Variants in FAM83B observed in about 807,000 individuals in gnomAD.
FAM83B encodes protein FAM83B.
A neutral mutation model predicts 38.8 loss-of-function variants in FAM83B; 26 were observed. The observed-to-expected ratio is 0.67, with a 90% CI of 0.49 to 0.93. The LOEUF is 0.93. Among genes scored for constraint, FAM83B ranks in the 40% least tolerant of loss-of-function variants. The pLI, the probability that FAM83B is intolerant of heterozygous loss-of-function variation, is 0.00. For missense variants in FAM83B, 1,237 were observed against 1,197.3 expected, an observed-to-expected ratio of 1.03 and a Z score of -0.49; for synonymous variants, 419 against 423.1, an observed-to-expected ratio of 0.99 and a Z score of 0.12.
intron 1 of FAM83B, among the ~76,000 whole-genome samples, chr6:54,855,262 C>G (rs1347894054): frequency 6.6e-6 from 1 of 152,168 alleles, no homozygotes; most frequent in Non-Finnish European, 1.5e-5. Flanking sequence ...TTTTGAGTGT[C>G]AATCTCTCAT....
At chr6:54,912,467 CATT>C (rs1202356720) in intron 2 of FAM83B, among the ~76,000 whole-genome samples, 3 of 149,734 alleles carry the variant, frequency 2.0e-5, no homozygotes, top group Admixed American at 6.6e-5. Context: ...AGATTTTAAT[CATT>C]ACTTGAAAAG....
At chr6:54,871,592 A>AATC (rs1173486072) in intron 2 of FAM83B, among the ~76,000 whole-genome samples, 2 of 146,574 alleles carry the variant, frequency 1.4e-5, no homozygotes, top group African/African-American at 5.0e-5. Context: ...TAATAATAAT[A>AATC]ATAAGCCGGA....
At chr6:54,883,744 AGTTG>A in intron 2 of FAM83B, among the ~76,000 whole-genome samples, 1 of 151,358 alleles carries the variant, frequency 6.6e-6, no homozygotes, top group Admixed American at 6.6e-5. Context: ...TCTATAGCTT[AGTTG>A]TTCACTCTGA....
chr6:54,928,875 T>C (rs927466454), intron 4 of FAM83B, among the ~76,000 whole-genome samples: 1 of 152,158 alleles, frequency 6.6e-6, no homozygotes, highest in African/African-American at 2.4e-5. Context: ...ATATTAATAG[T>C]TGCTAGTGTT....
intron 2 of FAM83B, among the ~76,000 whole-genome samples, chr6:54,895,897 T>C (rs560004289): frequency 6.6e-6 from 1 of 152,200 alleles, no homozygotes; most frequent in Non-Finnish European, 1.5e-5. Flanking sequence ...TGTTTTGTTT[T>C]GTTTTTTAGA....
Position 54,941,091 on chromosome 6 carries a change from C to G in FAM83B, c.2120C>G (p.Ser707Cys). ...CCCAAAGAAGATTTGCTGAAAAGTT[C>G]TAAAAGCATGCACAATGTGACTCAT... is the stretch of plus-strand genomic sequence containing the variant. The part of the protein sequence containing the change: ...EKPKEDLLKS[S>C]KSMHNVTHNL... The change falls in exon 5 of 5, where the codon TCT (serine) becomes TGT (cysteine). Residue 707 changes from serine (S) to cysteine (C), a missense_variant. Transcript: ENST00000306858. The G allele has an allele frequency of 6.2e-7, 1 of 1,613,414 alleles. No homozygotes were observed. The highest frequency in any genetic ancestry group is 2.2e-5 in the East Asian group (1 of 44,842).
chr6:54,868,291 G>A (rs2127574702), intron 1 of FAM83B, among the ~76,000 whole-genome samples: 1 of 152,178 alleles, frequency 6.6e-6, no homozygotes, highest in African/African-American at 2.4e-5. Context: ...GCAGCATCCT[G>A]GGTCTCTAAT....
intron 2 of FAM83B, among the ~76,000 whole-genome samples, chr6:54,903,797 G>A (rs536476907): frequency 1.1e-4 from 17 of 150,756 alleles, no homozygotes; most frequent in African/African-American, 3.7e-4. Context: ...TAGCATAATA[G>A]GTTTTTTTAA....
intron 2 of FAM83B, among the ~76,000 whole-genome samples, chr6:54,874,988 C>G (rs1299748738): frequency 6.6e-6 from 1 of 151,982 alleles, no homozygotes; most frequent in Non-Finnish European, 1.5e-5. Context: ...GGAAGATGAA[C>G]AGGTGATGGG....
At chr6:54,872,136 T>A (rs796602760) in intron 2 of FAM83B, among the ~76,000 whole-genome samples, 2 of 152,190 alleles carry the variant, frequency 1.3e-5, no homozygotes, top group African/African-American at 4.8e-5. Flanking sequence ...CTGTATTAAT[T>A]CCTTTAACAG....
At chr6:54,939,635 C>A (rs1773608355) in intron 4 of FAM83B, 71 bp from the exon 5 acceptor site, 6 of 1,378,440 alleles carry the variant, frequency 4.4e-6, no homozygotes, top group African/African-American at 1.5e-5. Flanking sequence ...TTAAGTGATA[C>A]TTTTTTTAGT....
chr6:54,871,054 T>C (rs1771841257), intron 2 of FAM83B, among the ~76,000 whole-genome samples: 1 of 152,192 alleles, frequency 6.6e-6, no homozygotes, highest in Non-Finnish European at 1.5e-5. Flanking sequence ...GTGGATATGG[T>C]GAAGTTTTCT....
intron 2 of FAM83B, among the ~76,000 whole-genome samples, chr6:54,883,643 T>C (rs1279917688): frequency 6.6e-6 from 1 of 152,038 alleles, no homozygotes; most frequent in East Asian, 1.9e-4. Flanking sequence ...GCCGATTGTT[T>C]AAAACTAGGT....
Position 54,880,250 on chromosome 6 carries a change from A to G in FAM83B, c.444+9560A>G, listed in dbSNP as rs557165097. On this transcript the variant is annotated intron_variant, in intron 2 of 4. Coordinates refer to ENST00000306858, the MANE Select transcript of FAM83B (RefSeq NM_001010872.3). ...GGTAAAATCATGTGTGCTTATGGGCATCACCCGAATGATCTCTGTGTTATA... is the reference window on the plus strand; with the variant it reads ...GGTAAAATCATGTGTGCTTATGGGCGTCACCCGAATGATCTCTGTGTTATA... Among the ~76,000 whole-genome samples the G allele has an allele frequency of 1.6e-4, 24 of 152,296 alleles. No individual in the cohort carries two copies. In the South Asian group the frequency reaches 4.8e-3, roughly 30 times the overall value.
chr6:54,911,226 G>T (rs568158465), intron 2 of FAM83B, among the ~76,000 whole-genome samples: 83 of 150,322 alleles, frequency 5.5e-4, no homozygotes, highest in African/African-American at 1.9e-3. Flanking sequence ...CTATTTGTTT[G>T]CTTCTTTGTT....
chr6:54,924,274 C>T (rs12525787), intron 2 of FAM83B, among the ~76,000 whole-genome samples: 46,551 of 151,438 alleles, frequency 0.31, 8,767 homozygotes, highest in East Asian at 0.8. Context: ...GAGTCTCTAT[C>T]TTAACATCAT....
rs1248454773 is a variant in FAM83B, at chr6:54,873,780, G to A, written c.444+3090G>A. On this transcript the variant is annotated intron_variant, in intron 2 of 4. Transcript: ENST00000306858. The stretch of plus-strand genomic sequence containing the variant: ...TCTACAGAGATATGAAGCCAAACCA[G>A]TAGGACTAGACACCGTCAAAACAGA... Among the ~76,000 whole-genome samples the A allele has an allele frequency of 1.2e-4, 18 of 150,478 alleles. 1 individual carries two copies. In the Admixed American group the frequency reaches 1.2e-3, roughly 10 times the overall value.
intron 1 of FAM83B, among the ~76,000 whole-genome samples, chr6:54,853,902 A>G (rs1018349194): frequency 1.3e-5 from 2 of 152,262 alleles, no homozygotes; most frequent in African/African-American, 4.8e-5. Context: ...TCACCATTCT[A>G]CATGCCATTA....
At chr6:54,852,363 C>CT (rs1312940655) in intron 1 of FAM83B, among the ~76,000 whole-genome samples, 1 of 152,068 alleles carries the variant, frequency 6.6e-6, no homozygotes, top group Non-Finnish European at 1.5e-5. Flanking sequence ...ATTATAATAT[C>CT]TTTTTTTGGT....
Sources: allele counts gnomAD v4.1 joint callset (sites outside exome capture counted in the v4.1 genomes callset), GRCh38; gene constraint gnomAD v4.1.1; transcripts MANE v1.5; gene names NCBI Gene and HGNC (gene_info 2026-07-23, HGNC 2026-07-21).